The following ODAD1 variants were observed in gnomAD, a reference collection of about 807,000 sequenced individuals.
ODAD1 encodes the protein outer dynein arm-docking complex subunit 1.
In ODAD1, 49 loss-of-function variants were observed where a neutral mutation model predicts 67.2. The observed-to-expected ratio is 0.73, with a 90% CI of 0.58 to 0.92. The LOEUF (loss-of-function observed/expected upper bound fraction) is 0.92. Ranked by LOEUF, ODAD1 falls within the 40% of genes least tolerant of loss-of-function variation. The pLI is 0.00. For synonymous variants in ODAD1, 345 were observed against 393.7 expected (o/e 0.88, Z 1.46); for missense variants, 897 against 953.7 (o/e 0.94, Z 0.78).
chr19:48,311,879 G>A (rs1332091250), intron 6 of ODAD1, 115 bp downstream of exon 6: 1 of 1,018,828 alleles, frequency 9.8e-7, no homozygotes, highest in Non-Finnish European at 1.4e-6. Flanking sequence ...CCAGAATCCT[G>A]TGTCCTGACA....
Position 48,297,576 on chromosome 19 carries a change from G to A in ODAD1, c.1581+14C>T, listed in dbSNP as rs762495125. On this transcript the variant is annotated intron_variant, in intron 15 of 15. Coordinates refer to ENST00000674294, the MANE Select transcript of ODAD1 (RefSeq NM_001364171.2). ...ACTGAGGCCTGGCCCCACCCCCGCA[G>A]GCCCCACTCTCACCAGCTTCTCCAC... The A allele has an allele frequency of 3.8e-6, 6 of 1,568,508 alleles. No homozygotes were observed. The highest frequency in any genetic ancestry group is 8.6e-7 in the Non-Finnish European group (1 of 1,159,968).
Position 48,302,782 on chromosome 19 carries a change from C to G in ODAD1, c.1152G>C (p.Gln384His). 1 of 1,613,990 alleles carries G rather than the reference C, an allele frequency of 6.2e-7. No individual in the cohort carries two copies. Among genetic ancestry groups the G allele is most frequent in the Non-Finnish European group, 8.5e-7 (1 of 1,180,016 alleles). The change falls in exon 12 of 16, where the codon CAG becomes CAC. Residue 384 changes from glutamine (Q) to histidine (H), a missense_variant. Coordinates refer to ENST00000674294, the MANE Select transcript of ODAD1 (RefSeq NM_001364171.2). The stretch of plus-strand genomic sequence containing the variant: ...CCGAGTGCACCTTGTCCATGCGCTG[C>G]TGCAACACCTTCTGCTGCTGCTCCT... ...LLQEQQQKVL[Q>H]QRMDKVHSEA... is the part of the protein sequence containing the mutation.
intron 9 of ODAD1, 43 bp downstream of exon 9, chr19:48,303,910 C>T (rs115621120): frequency 1.6e-5 from 25 of 1,596,768 alleles, no homozygotes; most frequent in Non-Finnish European, 1.8e-5. Context: ...GCCCCAGGGG[C>T]GGCCAGGCCC....
Position 48,297,147 on chromosome 19 carries a change from T to TA in ODAD1, c.1952_1953insT (p.Tyr652IlefsTer23). The TA allele has an allele frequency of 6.2e-7, 1 of 1,614,064 alleles. No homozygotes were observed. Among genetic ancestry groups the TA allele is most frequent in the Non-Finnish European group, 8.5e-7 (1 of 1,179,992 alleles). ...CTCCGCCCCTGCTGGACCCCACGTA[T>TA]CCAGTGGAGCCCAGGTAGCTGCTGG... On this transcript the variant is annotated frameshift_variant, in exon 16 of 16. Transcript: ENST00000674294. LOFTEE classifies it low-confidence loss of function (END_TRUNC).
At chr19:48,315,186 T>A (rs1968865881) in intron 5 of ODAD1, among the ~76,000 whole-genome samples, 1 of 151,114 alleles carries the variant, frequency 6.6e-6, no homozygotes, top group South Asian at 2.2e-4. Flanking sequence ...GCTCAAGCAA[T>A]CCTCCTGCCT....
rs769301117 is a variant in ODAD1 at position 48,306,260 on chromosome 19, C to T, written c.661G>A (p.Val221Ile). 27 of 1,551,562 alleles carry T rather than the reference C, an allele frequency of 1.7e-5. 1 individual carries two copies. Among genetic ancestry groups the T allele is most frequent in the Admixed American group, 5.9e-5 (3 of 50,990 alleles). ...CAGGATACCCGCAGTCTCTACCTGACGGCGTAGGCAGAGGTGGAGGAGAGG... is the reference window on the plus strand; with the variant it reads ...CAGGATACCCGCAGTCTCTACCTGATGGCGTAGGCAGAGGTGGAGGAGAGG... ...LILSSTSAYA[V>I]REEAKAKMGL... The change falls in exon 8 of 16, where the codon GTC (valine) becomes ATC (isoleucine). Residue 221 changes from valine (V) to isoleucine (I), a missense_variant. Coordinates refer to ENST00000674294, the MANE Select transcript of ODAD1 (RefSeq NM_001364171.2).
At position 48,321,962 on chromosome 19, in the gene ODAD1, T is replaced by C; in HGVS notation, c.-348A>G. On this transcript the variant is annotated 5_prime_UTR_variant, in exon 1 of 16. Coordinates refer to ENST00000674294, the MANE Select transcript of ODAD1 (RefSeq NM_001364171.2). ...TTGGCCGCCTACCACGTCCGCGCGCTGGAGGGCGGAAGTGGGTGAGACCTC... is the reference window on the plus strand; with the variant it reads ...TTGGCCGCCTACCACGTCCGCGCGCCGGAGGGCGGAAGTGGGTGAGACCTC... 2.6e-6 allele frequency: 1 copy of C among 387,122 alleles called. No individual in the cohort carries two copies. The highest frequency in any genetic ancestry group is 4.6e-6 in the Non-Finnish European group (1 of 218,790). 24.0% of individuals were successfully genotyped at this position (387,122 alleles called of 1,614,324 possible).
rs60218099 is a variant in ODAD1, at chr19:48,314,204, G to A, written c.361-2088C>T. 8.8e-3 allele frequency among the ~76,000 whole-genome samples: 1,336 copies of A among 152,228 alleles called. 18 individuals are homozygous for A. Among genetic ancestry groups the A allele is most frequent in the African/African-American group, 0.031 (1,278 of 41,526 alleles). ...GCTGCAGTGAGCTGAGAGATTGGGT[G>A]ACATGTCTACAAGCCAAAGTACCCA... On this transcript the variant is annotated intron_variant, in intron 5 of 15. Coordinates refer to ENST00000674294, the MANE Select transcript of ODAD1 (RefSeq NM_001364171.2).
At chr19:48,307,631 C>T (rs987825319) in intron 7 of ODAD1, among the ~76,000 whole-genome samples, 4 of 151,762 alleles carry the variant, frequency 2.6e-5, no homozygotes, top group Non-Finnish European at 5.9e-5. Context: ...CTGGCTAACA[C>T]GGCAAAACCC....
intron 5 of ODAD1, among the ~76,000 whole-genome samples, chr19:48,315,808 T>A (rs977669631): frequency 6.6e-6 from 1 of 152,182 alleles, no homozygotes; most frequent in African/African-American, 2.4e-5. Flanking sequence ...TCAGAGTAGT[T>A]ATTTTGAGAT....
In ODAD1 at chr19:48,297,058, G is replaced by C. The variant is rs1309508273; in HGVS notation, c.2042C>G (p.Ser681Cys). 6.2e-7 allele frequency: 1 copy of C among 1,612,940 alleles called. No homozygotes were observed. The highest frequency in any genetic ancestry group is 1.1e-5 in the South Asian group (1 of 91,066). Reference protein sequence around the residue: ...TASDSSGGLGSSRDHVSSTGP... With the variant: ...TASDSSGGLGCSRDHVSSTGP... ...GGTGCTGGAGACGTGGTCTCTGCTG[G>C]ACCCGAGGCCTCCGCTCGAATCAGA... Residue 681 changes from serine to cysteine, a missense_variant, in exon 16 of 16, where the codon TCC (serine) becomes TGC (cysteine). Ser to Cys is a moderately radical substitution (Grantham distance 112). Coordinates refer to ENST00000674294, the MANE Select transcript of ODAD1 (RefSeq NM_001364171.2).
Position 48,298,075 on chromosome 19 carries a change from G to A in ODAD1, c.1427C>T (p.Ala476Val). Residue 476 changes from alanine to valine, a missense_variant, in exon 14 of 16, where the codon GCT becomes GTT. By Grantham distance (64) the Ala-to-Val change is moderately conservative. Coordinates refer to ENST00000674294, the MANE Select transcript of ODAD1 (RefSeq NM_001364171.2). ...GCTCTGGCCCAGCACTAGGAGGGCA[G>A]CGTCGGCCAGGGAGGTGAAGCTCTG... ...HAQSFTSLAD[A>V]ALLVLGQSLE... is the part of the protein sequence containing the mutation. 1.2e-6 allele frequency: 2 copies of A among 1,613,350 alleles called. No individual in the cohort carries two copies. Among genetic ancestry groups the A allele is most frequent in the African/African-American group, 1.3e-5 (1 of 75,016 alleles).
In ODAD1 at chr19:48,318,746, C is replaced by G. The variant is rs1259417005; in HGVS notation, c.137G>C (p.Ser46Thr). 6 of 1,551,312 alleles carry G rather than the reference C, an allele frequency of 3.9e-6. No homozygotes were observed. Among genetic ancestry groups the G allele is most frequent in the Non-Finnish European group, 3.5e-6 (4 of 1,146,742 alleles). ...GTTGATGCGCTGGTGGACTTCCTTG[C>G]TGTAGGCCCGCCTCTCCCCTTCCAT... is the stretch of plus-strand genomic sequence containing the variant. ...KVMEGERRAYSKEVHQRINKQ... is the reference protein window; with the variant it reads ...KVMEGERRAYTKEVHQRINKQ... The change falls in exon 4 of 16, where the codon AGC becomes ACC. Residue 46 changes from serine (S) to threonine (T), a missense_variant. Transcript: ENST00000674294.
intron 7 of ODAD1, among the ~76,000 whole-genome samples, chr19:48,307,816 C>T (rs1270867746): frequency 3.5e-5 from 5 of 140,922 alleles, no homozygotes; most frequent in Non-Finnish European, 7.7e-5. Flanking sequence ...AAGCGAGACT[C>T]CGTCTCAAAA....
Position 48,321,857 on chromosome 19 carries a change from G to A in ODAD1, c.-243C>T. ...CGGTGTCGAAGCCGGGAGTTGCGCG[G>A]AGAAGGAGCGCTCAACACAGCCTCA... On this transcript the variant is annotated 5_prime_UTR_variant, in exon 1 of 16. Coordinates refer to ENST00000674294, the MANE Select transcript of ODAD1 (RefSeq NM_001364171.2). The A allele has an allele frequency of 2.5e-6, 1 of 398,620 alleles. No individual in the cohort carries two copies. The highest frequency in any genetic ancestry group is 2.1e-5 in the African/African-American group (1 of 48,776). The allele number at this position is 398,620 out of a possible 1,614,324, so 24.7% of individuals were successfully genotyped here.
chr19:48,311,709 G>A (rs1420285942), intron 6 of ODAD1, 43 bp from the exon 7 acceptor site: 4 of 1,197,238 alleles, frequency 3.3e-6, no homozygotes, highest in Non-Finnish European at 4.9e-6. Context: ...CTGAAGCCAA[G>A]TCTGCCTGCC....
In ODAD1 at chr19:48,306,248, G is replaced by C. The variant is rs1425852051; in HGVS notation, c.665+8C>G. 1.5e-5 allele frequency: 24 copies of C among 1,551,498 alleles called. No homozygotes were observed. In the East Asian group the frequency reaches 5.6e-4, roughly 36 times the overall value. ...GTCCCGCCATCCCAGGATACCCGCAGTCTCTACCTGACGGCGTAGGCAGAG... is the reference window on the plus strand; with the variant it reads ...GTCCCGCCATCCCAGGATACCCGCACTCTCTACCTGACGGCGTAGGCAGAG... On this transcript the variant is annotated splice_region_variant and intron_variant, in intron 8 of 15. Coordinates refer to ENST00000674294, the MANE Select transcript of ODAD1 (RefSeq NM_001364171.2).
rs1968548150 is a variant in ODAD1 at position 48,304,193 on chromosome 19, TGGGGTCCTGGGGATGGGC to T, written c.666-71_666-54del. 3.8e-5 allele frequency: 58 copies of T among 1,509,140 alleles called. No homozygotes were observed. The South Asian group carries it at 5.0e-4, about 13-fold the overall frequency. The allele number at this position is 1,509,140 out of a possible 1,614,324, so 93.5% of individuals were successfully genotyped here. ...ACTGGAGGCTGGACTGGGGTCGGCC[TGGGGTCCTGGGGATGGGC>T]GGGGTCAGCCAGAGGTTGTGGGGGG... On this transcript the variant is annotated intron_variant, in intron 8 of 15. Coordinates refer to ENST00000674294, the MANE Select transcript of ODAD1 (RefSeq NM_001364171.2).
At chr19:48,316,336 T>C (rs1420140398) in intron 5 of ODAD1, among the ~76,000 whole-genome samples, 3 of 151,046 alleles carry the variant, frequency 2.0e-5, no homozygotes, top group African/African-American at 7.3e-5. Context: ...GTTGACATTG[T>C]GCCATTGCAC....
Sources: allele counts gnomAD v4.1 joint callset (sites outside exome capture counted in the v4.1 genomes callset), GRCh38; gene constraint gnomAD v4.1.1; transcripts MANE v1.5; gene names NCBI Gene and HGNC (gene_info 2026-07-23, HGNC 2026-07-21).